The following NCKAP5 variants were observed in gnomAD, a reference collection of about 807,000 sequenced individuals.
The protein encoded by NCKAP5 is nck-associated protein 5.
Under a neutral mutation model 167.0 loss-of-function variants are expected in NCKAP5, and 92 were observed. The observed-to-expected ratio is 0.55, with a 90% CI of 0.47 to 0.66. NCKAP5 has a LOEUF of 0.66. Ranked by LOEUF, NCKAP5 falls within the 30% of genes least tolerant of loss-of-function variation. The pLI is 0.00. For missense variants in NCKAP5, 2,378 were observed against 2,315.0 expected (o/e 1.03, Z -0.56); for synonymous variants, 891 against 877.4 (o/e 1.02, Z -0.27).
chr2:133,026,532 C>A (rs2078705039), intron 6 of NCKAP5, among the ~76,000 whole-genome samples: 1 of 152,056 alleles, frequency 6.6e-6, no homozygotes, highest in Non-Finnish European at 1.5e-5. Context: ...TCAACATAAG[C>A]AACATTTTGC....
At chr2:133,502,560 C>G (rs1362501088) in intron 3 of NCKAP5, among the ~76,000 whole-genome samples, 1 of 152,154 alleles carries the variant, frequency 6.6e-6, no homozygotes, top group Admixed American at 6.5e-5. Flanking sequence ...GTCTTCTACC[C>G]TCTTTCCTCT....
At chr2:133,600,280 C>G in the NCKAP5 span, among the ~76,000 whole-genome samples, 4 of 152,146 alleles carry the variant, frequency 2.6e-5, no homozygotes, top group African/African-American at 7.2e-5. Context: ...ATTCCATGAC[C>G]ATTTGCCTAA....
In NCKAP5 at chr2:132,673,307, TG is replaced by T; in HGVS notation, c.5714-3del. 6.8e-7 allele frequency: 1 copy of T among 1,470,410 alleles called. No individual in the cohort carries two copies. The allele number at this position is 1,470,410 out of a possible 1,614,324, so 91.1% of individuals were successfully genotyped here. ...TGTTTCTTCAAGTTGTCTCAATTTC[TG>T]CAATAAAAAGAAGAAAATATTAGAA... On this transcript the variant is annotated splice_polypyrimidine_tract_variant and splice_region_variant and intron_variant, in intron 19 of 19. Transcript: ENST00000409261.
chr2:132,965,075 C>T (rs904955968), intron 7 of NCKAP5, among the ~76,000 whole-genome samples: 1 of 152,068 alleles, frequency 6.6e-6, no homozygotes, highest in Non-Finnish European at 1.5e-5. Flanking sequence ...TCACTTTAGA[C>T]CACAAAGTCA....
the NCKAP5 span, among the ~76,000 whole-genome samples, chr2:133,623,633 A>G: frequency 7.9e-6 from 1 of 126,852 alleles, no homozygotes; most frequent in Non-Finnish European, 1.7e-5. Flanking sequence ...TGACCACAAT[A>G]AAAAAAAAAA....
intron 11 of NCKAP5, among the ~76,000 whole-genome samples, chr2:132,812,247 CCTTGTCTGGAGCTGCAAT>C (rs1487559642): frequency 2.0e-5 from 3 of 152,204 alleles, no homozygotes; most frequent in Admixed American, 6.5e-5. Context: ...CCGCATGCTG[CCTTGTCTGGAGCTGCAAT>C]CTAGTCCTGC....
At chr2:133,107,443 A>T (rs565179542) in intron 6 of NCKAP5, among the ~76,000 whole-genome samples, 1 of 152,240 alleles carries the variant, frequency 6.6e-6, no homozygotes, top group Admixed American at 6.5e-5. Context: ...TTTAAAGGAG[A>T]CTTGCAATAA....
At chr2:132,893,445 T>C (rs1402232308) in intron 8 of NCKAP5, among the ~76,000 whole-genome samples, 5 of 152,190 alleles carry the variant, frequency 3.3e-5, no homozygotes, top group African/African-American at 1.2e-4. Flanking sequence ...TATTAATCAA[T>C]TTATATAATG....
chr2:133,111,658 A>G (rs917349180), intron 6 of NCKAP5, among the ~76,000 whole-genome samples: 3 of 152,218 alleles, frequency 2.0e-5, no homozygotes, highest in African/African-American at 7.2e-5. Context: ...ATTCTCTGTC[A>G]TAGCGGCATA....
the NCKAP5 span, among the ~76,000 whole-genome samples, chr2:133,594,484 C>G: frequency 6.6e-6 from 1 of 152,098 alleles, no homozygotes; most frequent in African/African-American, 2.4e-5. Context: ...ATTTTGGGAT[C>G]TTTAGGGCCT....
At chr2:133,143,521 C>A (rs576483199) in intron 5 of NCKAP5, among the ~76,000 whole-genome samples, 18 of 152,244 alleles carry the variant, frequency 1.2e-4, no homozygotes, top group Admixed American at 1.1e-3. Context: ...TGGCCACTGG[C>A]ATTAAATCTG....
chr2:132,809,488 C>G (rs1362889499), intron 11 of NCKAP5, among the ~76,000 whole-genome samples: 3 of 150,242 alleles, frequency 2.0e-5, no homozygotes, highest in African/African-American at 7.5e-5. Context: ...TGATATTTTC[C>G]TGTCGGACAA....
intron 11 of NCKAP5, among the ~76,000 whole-genome samples, chr2:132,803,915 G>A (rs1454194695): frequency 1.3e-5 from 2 of 152,164 alleles, no homozygotes; most frequent in Admixed American, 6.5e-5. Flanking sequence ...ATGCAAACAA[G>A]ATCACAGTAG....
intron 11 of NCKAP5, among the ~76,000 whole-genome samples, chr2:132,806,708 C>A (rs1172662029): frequency 1.3e-5 from 2 of 152,186 alleles, no homozygotes; most frequent in African/African-American, 4.8e-5. Flanking sequence ...GATTTCCTCC[C>A]ACTCTGTGGG....
intron 6 of NCKAP5, among the ~76,000 whole-genome samples, chr2:133,003,358 G>A (rs548738003): frequency 6.6e-6 from 1 of 152,278 alleles, no homozygotes; most frequent in African/African-American, 2.4e-5. Context: ...CCTCAGGTTT[G>A]TGAGTCTAAA....
chr2:133,179,516 A>T (rs1047339160), intron 5 of NCKAP5, among the ~76,000 whole-genome samples: 1 of 152,222 alleles, frequency 6.6e-6, no homozygotes, highest in Admixed American at 6.5e-5. Context: ...CAACGAGAAG[A>T]CAGAGATGTT....
chr2:133,568,006 T>G (rs138618526), intron 1 of NCKAP5, among the ~76,000 whole-genome samples: 1 of 152,202 alleles, frequency 6.6e-6, no homozygotes, highest in African/African-American at 2.4e-5. Context: ...CATCCTGGTA[T>G]TTGTTCTCAG....
intron 10 of NCKAP5, among the ~76,000 whole-genome samples, chr2:132,867,778 C>T (rs1024192341): frequency 1.3e-5 from 2 of 152,118 alleles, no homozygotes; most frequent in Non-Finnish European, 2.9e-5. Flanking sequence ...GCCTACCTGT[C>T]GGTTTATATG....
intron 3 of NCKAP5, among the ~76,000 whole-genome samples, chr2:133,413,491 C>G (rs765174377): frequency 9.5e-4 from 144 of 151,846 alleles, no homozygotes; most frequent in Non-Finnish European, 1.7e-3. Context: ...TGGTGATATA[C>G]TATAGTTATA....
Sources: gnomAD v4.1 joint callset for allele counts (sites outside exome capture counted in the v4.1 genomes callset) on GRCh38, gnomAD v4.1.1 for gene constraint, MANE v1.5 for transcripts, NCBI Gene and HGNC (gene_info 2026-07-23, HGNC 2026-07-21) for gene names.